Variants in LGI1 observed in about 807,000 individuals in gnomAD.
The protein encoded by LGI1 is leucine rich glioma inactivated 1.
A neutral mutation model predicts 57.7 loss-of-function variants in LGI1; 11 were observed. That is an observed-to-expected ratio of 0.19 (90% CI 0.12 to 0.32). The LOEUF (loss-of-function observed/expected upper bound fraction) is 0.32. Ranked by LOEUF, LGI1 falls within the 10% of genes least tolerant of loss-of-function variation. The pLI is 1.00. For missense variants in LGI1, 422 were observed against 661.9 expected (o/e 0.64, Z 3.98); for synonymous variants, 222 against 241.9 (o/e 0.92, Z 0.76).
chr10:93,763,306 ACACACACG>A (rs1432967091), intron 2 of LGI1: 6 of 84,974 alleles, frequency 7.1e-5, no homozygotes, highest in Non-Finnish European at 1.5e-4. Context: ...AGACACACAC[ACACACACG>A]TGCCCAAACA....
chr10:93,758,440 T>C lies in LGI1; in HGVS notation c.215+81T>C. 2 of 1,294,054 alleles carry C rather than the reference T, an allele frequency of 1.5e-6. No individual in the cohort carries two copies. The highest frequency in any genetic ancestry group is 2.2e-6 in the Non-Finnish European group (2 of 895,392). The allele number at this position is 1,294,054 out of a possible 1,614,324, so 80.2% of individuals were successfully genotyped here. On this transcript the variant is annotated intron_variant, in intron 1 of 7. Coordinates refer to ENST00000371418, the MANE Select transcript of LGI1 (RefSeq NM_005097.4). This position sits in a 1 kb window ranked among gnomAD's most constrained non-coding sequence, Gnocchi z 4.7. ...GGATTTGGGGCTTTGCATGTATTTG[T>C]AGAAGGGCATGGAGAGAGAGATTCC... is the stretch of plus-strand genomic sequence containing the variant.
intron 4 of LGI1, among the ~76,000 whole-genome samples, chr10:93,778,303 T>G (rs1199759011): frequency 6.6e-6 from 1 of 151,640 alleles, no homozygotes; most frequent in African/African-American, 2.4e-5. Flanking sequence ...CCCAAACAAT[T>G]TGTTTCTTCT....
Position 93,797,553 on chromosome 10 carries a change from G to A in LGI1, c.1424G>A (p.Gly475Glu). The A allele has an allele frequency of 6.2e-7, 1 of 1,614,118 alleles. No individual in the cohort carries two copies. Among genetic ancestry groups the A allele is most frequent in the Non-Finnish European group, 8.5e-7 (1 of 1,180,014 alleles). ...FQDIQRMPSRGSMVFQPLQIN... is the reference protein window; with the variant it reads ...FQDIQRMPSRESMVFQPLQIN... ...GATATTCAGAGGATGCCATCGCGAG[G>A]ATCCATGGTGTTCCAGCCTCTTCAA... Residue 475 changes from glycine (G) to glutamate (E), a missense_variant, in exon 8 of 8, where the codon GGA becomes GAA. Gly to Glu is a moderately conservative substitution (Grantham distance 98). Around this residue, in one of 3 missense-constraint regions of LGI1, gnomAD observed 301 missense variants for 461.7 expected, o/e 0.65. Coordinates refer to ENST00000371418, the MANE Select transcript of LGI1 (RefSeq NM_005097.4). The surrounding 1 kb of genome is among the most constrained non-coding windows in gnomAD (Gnocchi z 6.5).
intron 4 of LGI1, among the ~76,000 whole-genome samples, chr10:93,779,434 G>T (rs1245551658): frequency 7.1e-6 from 1 of 140,026 alleles, no homozygotes; most frequent in Non-Finnish European, 1.6e-5. Flanking sequence ...GCGAGGGAGG[G>T]AGGGAGGGGA....
At chr10:93,777,486 A>G in intron 3 of LGI1, 36 bp downstream of exon 3, 1 of 1,607,766 alleles carries the variant, frequency 6.2e-7, no homozygotes, top group Non-Finnish European at 8.5e-7. Context: ...ATGATGATTC[A>G]GGACAAGTAC....
At chr10:93,792,169 A>C (rs2059942365) in intron 5 of LGI1, 1 of 152,534 alleles carries the variant, frequency 6.6e-6, no homozygotes, top group African/African-American at 2.4e-5. Flanking sequence ...ATATACACCT[A>C]TTTTTTTCAA....
At chr10:93,787,099 G>A (rs12569635) in intron 4 of LGI1, among the ~76,000 whole-genome samples, 123,371 of 152,114 alleles carry the variant, frequency 0.81, 54,291 homozygotes, top group Non-Finnish European at 0.97. Flanking sequence ...TCTGAATCTT[G>A]CTTCCTCTTG....
chr10:93,796,871 G>T, intron 7 of LGI1, 97 bp from the exon 8 acceptor site: 2 of 983,664 alleles, frequency 2.0e-6, no homozygotes, highest in Non-Finnish European at 3.2e-6. Context: ...CTTGTTTCAG[G>T]CTGATTTGGG....
chr10:93,774,321 G>A (rs1184952934), intron 2 of LGI1, among the ~76,000 whole-genome samples: 14 of 152,096 alleles, frequency 9.2e-5, no homozygotes, highest in Non-Finnish European at 1.6e-4. Context: ...TTTTAAAGCT[G>A]TCTGGGTGAT....
chr10:93,792,596 G>A (rs1262184007), intron 5 of LGI1, 147 bp from the exon 6 acceptor site: 4 of 780,500 alleles, frequency 5.1e-6, no homozygotes, highest in Non-Finnish European at 9.1e-6. Flanking sequence ...CAAAGTGAAT[G>A]AGTGGTCAGT....
chr10:93,792,409 C>A (rs2059944619), intron 5 of LGI1: 1 of 259,284 alleles, frequency 3.9e-6, no homozygotes, highest in African/African-American at 2.2e-5. Flanking sequence ...ATACCTGCTT[C>A]TTTTTACTTT....
intron 2 of LGI1, chr10:93,763,638 T>C (rs2059645986): frequency 6.6e-6 from 1 of 152,180 alleles, no homozygotes; most frequent in African/African-American, 2.4e-5. Context: ...CGTGGACTAA[T>C]AGTGTGGAGG....
chr10:93,783,522 A>G (rs1022814415), intron 4 of LGI1, among the ~76,000 whole-genome samples: 4 of 152,090 alleles, frequency 2.6e-5, no homozygotes, highest in African/African-American at 9.7e-5. Context: ...GGCTGTGGGG[A>G]GGGAGGGTCC....
intron 6 of LGI1, 65 bp downstream of exon 6, chr10:93,792,977 G>T: frequency 1.3e-6 from 2 of 1,486,212 alleles, no homozygotes; most frequent in South Asian, 2.3e-5. Flanking sequence ...TTTTTCATGT[G>T]CAGGAACTGA....
rs141334842 is a variant in LGI1, at chr10:93,797,210, A to C, written c.1081A>C (p.Lys361Gln). Reference protein sequence around the residue: ...SSKAGFTTIYKWNGNGFYSHQ... With the variant: ...SSKAGFTTIYQWNGNGFYSHQ... Reference sequence around the variant, plus strand: ...AAAAGCTGGTTTTACTACCATTTACAAATGGAACGGAAACGGATTCTACTC... The same window carrying C: ...AAAAGCTGGTTTTACTACCATTTACCAATGGAACGGAAACGGATTCTACTC... Residue 361 changes from lysine (K) to glutamine (Q), a missense_variant, in exon 8 of 8, where the codon AAA (lysine) becomes CAA (glutamine). By Grantham distance (53) the Lys-to-Gln change is moderately conservative (BLOSUM62 1). Around this residue, in one of 3 missense-constraint regions of LGI1, gnomAD observed 301 missense variants for 461.7 expected, o/e 0.65. Coordinates refer to ENST00000371418, the MANE Select transcript of LGI1 (RefSeq NM_005097.4). The surrounding 1 kb of genome is among the most constrained non-coding windows in gnomAD (Gnocchi z 6.5). The C allele has an allele frequency of 1.9e-6, 3 of 1,614,196 alleles. No individual in the cohort carries two copies. The highest frequency in any genetic ancestry group is 2.5e-6 in the Non-Finnish European group (3 of 1,180,028).
chr10:93,796,258 C>CA (rs1338265144), intron 7 of LGI1, among the ~76,000 whole-genome samples: 2 of 152,218 alleles, frequency 1.3e-5, no homozygotes, highest in Non-Finnish European at 2.9e-5. Context: ...CATCTCCTTT[C>CA]TTTGCAGGGG....
intron 5 of LGI1, chr10:93,791,939 A>G (rs539077304): frequency 1.3e-5 from 2 of 152,242 alleles, no homozygotes; most frequent in East Asian, 1.9e-4. Flanking sequence ...TTGATTAAAT[A>G]CATTACAATA....
intron 2 of LGI1, among the ~76,000 whole-genome samples, chr10:93,761,430 G>A (rs892759325): frequency 1.3e-5 from 2 of 152,156 alleles, no homozygotes; most frequent in African/African-American, 4.8e-5. Flanking sequence ...TTGGTTTCTT[G>A]CTTTATTGTT....
In LGI1 at chr10:93,758,562, C is replaced by A; in HGVS notation, c.216-198C>A. ...CTGAACATGCTTAGATACCCCCAGCCCTGAACATTATCATGAGAAACCTGT... is the reference window on the plus strand; with the variant it reads ...CTGAACATGCTTAGATACCCCCAGCACTGAACATTATCATGAGAAACCTGT... On this transcript the variant is annotated intron_variant, in intron 1 of 7. Coordinates refer to ENST00000371418, the MANE Select transcript of LGI1 (RefSeq NM_005097.4). This position sits in a 1 kb window ranked among gnomAD's most constrained non-coding sequence, Gnocchi z 4.7. 1 of 693,786 alleles carries A rather than the reference C, an allele frequency of 1.4e-6. No individual in the cohort carries two copies. The highest frequency in any genetic ancestry group is 2.5e-6 in the Non-Finnish European group (1 of 402,342). The allele number at this position is 693,786 out of a possible 1,614,324, so 43.0% of individuals were successfully genotyped here.
Sources: gnomAD v4.1 joint callset for allele counts (sites outside exome capture counted in the v4.1 genomes callset) on GRCh38, gnomAD v4.1.1 for gene constraint, gnomAD v4.1.1 regional missense constraint, Gnocchi (gnomAD v3.1) non-coding constraint, MANE v1.5 for transcripts, NCBI Gene and HGNC (gene_info 2026-07-23, HGNC 2026-07-21) for gene names.